Variants in LPP observed in about 807,000 individuals in gnomAD.
The protein encoded by LPP is LIM domain containing preferred translocation partner in lipoma.
Under a neutral mutation model 60.4 loss-of-function variants are expected in LPP, and 38 were observed. The ratio of observed to expected loss-of-function variants is 0.63; its 90% CI spans 0.49 to 0.83. The LOEUF is 0.83. LPP is among the 40% of genes least tolerant of loss of function. The pLI is 0.00. For missense variants in LPP, 902 were observed against 783.6 expected (o/e 1.15, Z -1.80); for synonymous variants, 328 against 290.8 (o/e 1.13, Z -1.30).
At position 188,850,250 on chromosome 3, in the gene LPP, A is replaced by G. The variant is rs978030292; in HGVS notation, c.1411-15950A>G. Among the ~76,000 whole-genome samples, 3 of 152,248 alleles carry G rather than the reference A, an allele frequency of 2.0e-5. No homozygotes were observed. In the East Asian group the frequency reaches 5.8e-4, roughly 29 times the overall value. ...TATCTAAGTGAGAGATGATAGAACA[A>G]TATGGCAAAAGATGGAATTAAAATA... is the stretch of plus-strand genomic sequence containing the variant. On this transcript the variant is annotated intron_variant, in intron 9 of 11. Coordinates refer to ENST00000617246, the MANE Select transcript of LPP (RefSeq NM_001375462.1).
chr3:188,512,102 G>A (rs539777385), intron 5 of LPP, among the ~76,000 whole-genome samples: 1 of 152,272 alleles, frequency 6.6e-6, no homozygotes, highest in South Asian at 2.1e-4. Context: ...TGATGGAATA[G>A]CGACGTAAAT....
At chr3:188,742,249 T>G (rs1354912227) in intron 8 of LPP, among the ~76,000 whole-genome samples, 1 of 152,024 alleles carries the variant, frequency 6.6e-6, no homozygotes, top group Non-Finnish European at 1.5e-5. Context: ...GTCTTAAAAA[T>G]AAAACGTGTT....
At chr3:188,817,261 T>A (rs1752715877) in intron 9 of LPP, among the ~76,000 whole-genome samples, 1 of 152,190 alleles carries the variant, frequency 6.6e-6, no homozygotes, top group Non-Finnish European at 1.5e-5. Flanking sequence ...TTTCTTCCTC[T>A]ACAGATCTCC....
intron 9 of LPP, among the ~76,000 whole-genome samples, chr3:188,840,794 T>C (rs1229253402): frequency 6.6e-6 from 1 of 152,186 alleles, no homozygotes; most frequent in Non-Finnish European, 1.5e-5. Context: ...GGCTTGCCCA[T>C]CATGTGAAAT....
chr3:188,472,874 G>C (rs1802206983), intron 4 of LPP: 1 of 152,140 alleles, frequency 6.6e-6, no homozygotes, highest in Non-Finnish European at 1.5e-5. Flanking sequence ...TTCTGAATTT[G>C]TAGGGGTGTA....
At chr3:188,427,842 C>T (rs1038772416) in intron 4 of LPP, among the ~76,000 whole-genome samples, 1 of 152,156 alleles carries the variant, frequency 6.6e-6, no homozygotes, top group African/African-American at 2.4e-5. Flanking sequence ...TCTTAGCTTG[C>T]TGGGCTCTGT....
chr3:188,859,619 A>G (rs1459354576), intron 9 of LPP, among the ~76,000 whole-genome samples: 1 of 152,182 alleles, frequency 6.6e-6, no homozygotes, highest in Non-Finnish European at 1.5e-5. Context: ...TTTCTGCAAT[A>G]TTAGAGTAAG....
intron 4 of LPP, among the ~76,000 whole-genome samples, chr3:188,462,628 GTGTGTGTTACTT>G (rs1560436919): frequency 1.2e-5 from 1 of 86,752 alleles, no homozygotes; most frequent in Non-Finnish European, 2.6e-5. Flanking sequence ...GTGTGTGTGT[GTGTGTGTTACTT>G]TTTTGGGTGT....
At chr3:188,814,428 C>T (rs1304124501) in intron 9 of LPP, among the ~76,000 whole-genome samples, 1 of 152,166 alleles carries the variant, frequency 6.6e-6, no homozygotes, top group Non-Finnish European at 1.5e-5. Context: ...CTTCCCCTTT[C>T]CTCACAGTAT....
intron 2 of LPP, among the ~76,000 whole-genome samples, chr3:188,335,595 T>G (rs1761423648): frequency 6.6e-6 from 1 of 152,210 alleles, no homozygotes; most frequent in South Asian, 2.1e-4. Context: ...ATGTCTATCT[T>G]TGTTGAATTT....
intron 9 of LPP, among the ~76,000 whole-genome samples, chr3:188,855,753 A>G (rs1577996190): frequency 6.6e-6 from 1 of 152,186 alleles, no homozygotes; most frequent in Non-Finnish European, 1.5e-5. Flanking sequence ...ATTTCAAGGG[A>G]CCAAAAGCCC....
intron 3 of LPP, among the ~76,000 whole-genome samples, chr3:188,376,951 T>C (rs1196085022): frequency 2.0e-5 from 3 of 152,330 alleles, no homozygotes; most frequent in Non-Finnish European, 4.4e-5. Flanking sequence ...ATTTTATTTC[T>C]CCTTCACTTA....
At chr3:188,314,291 GTTA>G (rs1754389314) in intron 2 of LPP, among the ~76,000 whole-genome samples, 1 of 151,566 alleles carries the variant, frequency 6.6e-6, no homozygotes, top group South Asian at 2.1e-4. Flanking sequence ...TGATAGTGTT[GTTA>G]TTGTTGTTGT....
At chr3:188,393,519 A>C (rs1157201189) in intron 3 of LPP, among the ~76,000 whole-genome samples, 2 of 152,142 alleles carry the variant, frequency 1.3e-5, no homozygotes, top group African/African-American at 4.8e-5. Context: ...TCATTAACAC[A>C]GTGTTTTCAG....
At chr3:188,697,997 G>A (rs1185491273) in intron 7 of LPP, among the ~76,000 whole-genome samples, 4 of 152,212 alleles carry the variant, frequency 2.6e-5, no homozygotes, top group African/African-American at 4.8e-5. Flanking sequence ...GGCTGGAGCC[G>A]TGGCAACCGA....
At chr3:188,287,178 G>T (rs532116763) in intron 2 of LPP, among the ~76,000 whole-genome samples, 10 of 152,370 alleles carry the variant, frequency 6.6e-5, no homozygotes, top group African/African-American at 2.2e-4. Context: ...TGGGATTACA[G>T]GCGTGAGCCA....
intron 1 of LPP, among the ~76,000 whole-genome samples, chr3:188,225,201 G>T (rs1054030492): frequency 3.9e-5 from 6 of 152,156 alleles, no homozygotes; most frequent in Admixed American, 3.9e-4. Flanking sequence ...TAGGAGAGCT[G>T]AGATATGAAC....
intron 4 of LPP, among the ~76,000 whole-genome samples, chr3:188,463,777 G>T (rs1046807369): frequency 3.3e-5 from 5 of 152,160 alleles, no homozygotes; most frequent in South Asian, 2.1e-4. Flanking sequence ...ATGAGGCAGA[G>T]AACGGTCATT....
intron 5 of LPP, among the ~76,000 whole-genome samples, chr3:188,490,962 C>T (rs913821905): frequency 1.6e-4 from 24 of 151,712 alleles, no homozygotes; most frequent in South Asian, 2.1e-4. Flanking sequence ...GAGGTTTCAC[C>T]GTGTTAGCCA....
Sources: gnomAD v4.1 joint callset for allele counts (sites outside exome capture counted in the v4.1 genomes callset) on GRCh38, gnomAD v4.1.1 for gene constraint, MANE v1.5 for transcripts, NCBI Gene and HGNC (gene_info 2026-07-23, HGNC 2026-07-21) for gene names.